The following IL6R variants were observed in gnomAD, a reference collection of about 807,000 sequenced individuals.
The protein encoded by IL6R is interleukin-6 receptor subunit alpha.
A neutral mutation model predicts 48.3 loss-of-function variants in IL6R; 38 were observed. That is an observed-to-expected ratio of 0.79 (90% CI 0.61 to 1.03). IL6R has a LOEUF of 1.03. Ranked by LOEUF, IL6R falls within the 50% of genes least tolerant of loss-of-function variation. IL6R has a pLI of 0.00. For synonymous variants in IL6R, 264 were observed against 256.2 expected (o/e 1.03, Z -0.29); for missense variants, 534 against 618.3 (o/e 0.86, Z 1.45).
chr1:154,435,690 T>A (rs1190596065), intron 5 of IL6R, among the ~76,000 whole-genome samples: 1 of 152,146 alleles, frequency 6.6e-6, no homozygotes, highest in Non-Finnish European at 1.5e-5. Flanking sequence ...GGCTTGTCTG[T>A]GAGGAGAGCA....
At chr1:154,455,514 T>C (rs1254175621) in intron 9 of IL6R, among the ~76,000 whole-genome samples, 1 of 148,058 alleles carries the variant, frequency 6.8e-6, no homozygotes, top group Non-Finnish European at 1.5e-5. Context: ...AGTGCAGTGG[T>C]GCGATCTCAG....
In IL6R at chr1:154,461,819, A is replaced by T. The variant is rs116257778; in HGVS notation, c.1161-3315A>T. ...GGTTGTAAAAATGTTGGACTGGGCC[A>T]AAGTGTGGAGATGGTTGACTGGTTG... On this transcript the variant is annotated intron_variant, in intron 9 of 9. Coordinates refer to ENST00000368485, the MANE Select transcript of IL6R (RefSeq NM_000565.4). 9.6e-3 allele frequency among the ~76,000 whole-genome samples: 1,458 copies of T among 152,264 alleles called. 27 individuals are homozygous for T. The highest frequency in any genetic ancestry group is 0.033 in the African/African-American group (1,385 of 41,556).
chr1:154,454,159 AGCCACTCTG>A, intron 8 of IL6R: 1 of 348,280 alleles, frequency 2.9e-6, no homozygotes, highest in South Asian at 3.5e-5. Flanking sequence ...TCACCAGAAA[AGCCACTCTG>A]AAAGTGAGTA....
intron 1 of IL6R, among the ~76,000 whole-genome samples, chr1:154,411,161 C>T (rs1012051820): frequency 6.6e-6 from 1 of 152,106 alleles, no homozygotes; most frequent in Non-Finnish European, 1.5e-5. Context: ...CGGGTTCAAG[C>T]GATTCTCCTG....
At position 154,448,926 on chromosome 1, in the gene IL6R, G is replaced by A. The variant is rs1284611976; in HGVS notation, c.996+755G>A. Among the ~76,000 whole-genome samples, 24 of 115,708 alleles carry A rather than the reference G, an allele frequency of 2.1e-4. No individual in the cohort carries two copies. In the Middle Eastern group the frequency reaches 0.023, roughly 111 times the overall value. 75.9% of individuals were successfully genotyped at this position (115,708 alleles called of 152,430 possible). On this transcript the variant is annotated intron_variant, in intron 7 of 9. Transcript: ENST00000368485. ...TTTTGAGACGGAGTCTCGCTCTGTCGCCCAGGTGGGACTGCGGACTGCAGT... is the reference window on the plus strand; with the variant it reads ...TTTTGAGACGGAGTCTCGCTCTGTCACCCAGGTGGGACTGCGGACTGCAGT...
chr1:154,436,912 A>T (rs1247371472), intron 6 of IL6R, among the ~76,000 whole-genome samples: 1 of 152,250 alleles, frequency 6.6e-6, no homozygotes, highest in Non-Finnish European at 1.5e-5. Context: ...CCCTAGAGAA[A>T]ACCAGTGAGA....
chr1:154,468,561 G>A lies in IL6R; in HGVS notation c.*3181G>A, dbSNP rs1345193010. 1 of 152,200 alleles carries A rather than the reference G, an allele frequency of 6.6e-6. No homozygotes were observed. The highest frequency in any genetic ancestry group is 2.4e-5 in the African/African-American group (1 of 41,440). The allele number at this position is 152,200 out of a possible 1,614,324, so 9.4% of individuals were successfully genotyped here. ...CTCAGAGAGCTCTTGGCCCTGATGG[G>A]GACTTGCCCTTACGCTTTCTTTATC... On this transcript the variant is annotated 3_prime_UTR_variant, in exon 10 of 10. Transcript: ENST00000368485.
intron 1 of IL6R, among the ~76,000 whole-genome samples, chr1:154,420,422 C>G (rs1337195752): frequency 6.6e-6 from 1 of 151,878 alleles, no homozygotes; most frequent in Non-Finnish European, 1.5e-5. Context: ...CATCACAAGA[C>G]CAGGAATAGA....
intron 3 of IL6R, 92 bp downstream of exon 3, chr1:154,430,698 A>G (rs775595724): frequency 2.9e-5 from 44 of 1,496,982 alleles, no homozygotes; most frequent in Non-Finnish European, 4.0e-5. Context: ...TCAAAACATT[A>G]TCATTAGGAA....
Position 154,458,407 on chromosome 1 carries a change from G to A in IL6R, c.1160+3826G>A, listed in dbSNP as rs542461627. Among the ~76,000 whole-genome samples, 53 of 152,298 alleles carry A rather than the reference G, an allele frequency of 3.5e-4. 1 individual carries two copies. The South Asian group carries it at 0.011, about 30-fold the overall frequency. On this transcript the variant is annotated intron_variant, in intron 9 of 9. Coordinates refer to ENST00000368485, the MANE Select transcript of IL6R (RefSeq NM_000565.4). ...TTTTGGCCAGTGAGGGGCCATGTCAGCATCCACGGGTTCACCTCCTGCCTA... is the reference window on the plus strand; with the variant it reads ...TTTTGGCCAGTGAGGGGCCATGTCAACATCCACGGGTTCACCTCCTGCCTA...
At chr1:154,422,099 A>C (rs1230944380) in intron 1 of IL6R, among the ~76,000 whole-genome samples, 3 of 152,086 alleles carry the variant, frequency 2.0e-5, no homozygotes, top group African/African-American at 7.2e-5. Flanking sequence ...GGTGTGTGCC[A>C]CCACGCCCGG....
chr1:154,415,104 C>T (rs1688258274), intron 1 of IL6R: 19 of 1,161,354 alleles, frequency 1.6e-5, no homozygotes, highest in South Asian at 3.9e-5. Flanking sequence ...GGGGCTTTTA[C>T]GGTTCCACTC....
chr1:154,431,635 G>A (rs1387008133), intron 3 of IL6R, among the ~76,000 whole-genome samples: 2 of 152,110 alleles, frequency 1.3e-5, no homozygotes, highest in African/African-American at 4.8e-5. Context: ...ATGATATGAG[G>A]TTGTGAAATG....
rs751402081 is a variant in IL6R, at chr1:154,454,549, C to T, written c.1128C>T (p.Phe376=). 31 of 1,613,624 alleles carry T rather than the reference C, an allele frequency of 1.9e-5. No individual in the cohort carries two copies. The highest frequency in any genetic ancestry group is 1.6e-4 in the Middle Eastern group (1 of 6,080). ...TGGTTGCTGGAGGGAGCCTGGCCTT[C>T]GGAACGCTCCTCTGCATTGCCATTG... ...TFLVAGGSLA[F]GTLLCIAIVL... The change falls in exon 9 of 10, where the codon TTC becomes TTT. Residue 376 remains phenylalanine, a synonymous_variant. Coordinates refer to ENST00000368485, the MANE Select transcript of IL6R (RefSeq NM_000565.4).
chr1:154,454,794 C>T (rs1690784252), intron 9 of IL6R, among the ~76,000 whole-genome samples: 1 of 152,120 alleles, frequency 6.6e-6, no homozygotes, highest in African/African-American at 2.4e-5. Context: ...GATACAGTCT[C>T]AGGAAGAAGT....
chr1:154,454,885 G>A (rs1364862012), intron 9 of IL6R, among the ~76,000 whole-genome samples: 2 of 152,140 alleles, frequency 1.3e-5, no homozygotes, highest in Non-Finnish European at 2.9e-5. Context: ...TGGCATTAAG[G>A]AGGAAGAGGA....
rs1330749585 is a variant in IL6R at position 154,416,299 on chromosome 1, TA to T, written c.85+10594del. ...TGCATGACACCATGACTGGCTAATT[TA>T]AAAAAAAATTTTTTTTTTTTTTTTT... On this transcript the variant is annotated intron_variant, in intron 1 of 9. Transcript: ENST00000368485. Among the ~76,000 whole-genome samples, 6 of 150,946 alleles carry T rather than the reference TA, an allele frequency of 4.0e-5. No homozygotes were observed. In the East Asian group the frequency reaches 5.8e-4, roughly 15 times the overall value.
chr1:154,463,045 C>T (rs1691358548), intron 9 of IL6R, among the ~76,000 whole-genome samples: 1 of 152,090 alleles, frequency 6.6e-6, no homozygotes, highest in South Asian at 2.1e-4. Flanking sequence ...CTCAAGTAAT[C>T]CACCCACCTT....
At chr1:154,416,508 C>G (rs1489334937) in intron 1 of IL6R, among the ~76,000 whole-genome samples, 2 of 152,062 alleles carry the variant, frequency 1.3e-5, no homozygotes, top group Non-Finnish European at 2.9e-5. Context: ...CTTCCTATCT[C>G]TTGGTAGGCC....
Sources: allele counts gnomAD v4.1 joint callset (sites outside exome capture counted in the v4.1 genomes callset), GRCh38; gene constraint gnomAD v4.1.1; transcripts MANE v1.5; gene names NCBI Gene and HGNC (gene_info 2026-07-23, HGNC 2026-07-21).